The following PRSS21 variants were observed in gnomAD, a reference collection of about 807,000 sequenced individuals.
PRSS21 encodes the protein serine protease 21, also known as testisin.
In PRSS21, 40 loss-of-function variants were observed where a neutral mutation model predicts 31.1. The observed-to-expected ratio is 1.29, with a 90% confidence interval of 1.00 to 1.68. PRSS21 has a LOEUF of 1.68. PRSS21 is among the 40% of genes most tolerant of loss of function. The probability of loss-of-function intolerance (pLI) is 0.00; values close to 1 mark genes in which losing one functional copy is unlikely to be tolerated. For missense variants in PRSS21, 467 were observed against 412.6 expected, an observed-to-expected ratio of 1.13 and a Z score of -1.14; for synonymous variants, 186 against 167.7, an observed-to-expected ratio of 1.11 and a Z score of -0.84.
rs766031979 is a variant in PRSS21 at position 2,818,703 on chromosome 16, G to T, written c.284G>T (p.Gly95Val). 3.1e-6 allele frequency: 5 copies of T among 1,614,174 alleles called. No homozygotes were observed. Among genetic ancestry groups the T allele is most frequent in the Non-Finnish European group, 4.2e-6 (5 of 1,180,024 alleles). The change falls in exon 4 of 6, where the codon GGG becomes GTG. Residue 95 changes from glycine (G) to valine (V), a missense_variant. Transcript: ENST00000005995. ...TATAGTGACCTTAGTGATCCCTCCG[G>T]GTGGATGGTCCAGTTTGGCCAGCTG... is the stretch of plus-strand genomic sequence containing the variant. The part of the protein sequence containing the change: ...ETYSDLSDPS[G>V]WMVQFGQLTS...
rs1265379815 is a variant in PRSS21 at position 2,817,406 on chromosome 16, G to A, written c.65-24G>A. On this transcript the variant is annotated intron_variant, in intron 1 of 5. Transcript: ENST00000005995. This position sits in a 1 kb window ranked among gnomAD's most constrained non-coding sequence, Gnocchi z 4.2. Reference sequence around the variant, plus strand: ...GGAGGACGGGAGGTGGAGGCCGCGGGGAGTCACTTCTTGTCTCCCGCAGAG... The same window carrying A: ...GGAGGACGGGAGGTGGAGGCCGCGGAGAGTCACTTCTTGTCTCCCGCAGAG... 1 of 1,596,850 alleles carries A rather than the reference G, an allele frequency of 6.3e-7. No individual in the cohort carries two copies. Among genetic ancestry groups the A allele is most frequent in the South Asian group, 1.1e-5 (1 of 90,234 alleles).
Position 2,818,763 on chromosome 16 carries a change from A to G in PRSS21, c.344A>G (p.Tyr115Cys). 6.2e-7 allele frequency: 1 copy of G among 1,613,600 alleles called. No homozygotes were observed. Among genetic ancestry groups the G allele is most frequent in the South Asian group, 1.1e-5 (1 of 91,064 alleles). Residue 115 changes from tyrosine to cysteine, a missense_variant, in exon 4 of 6, where the codon TAC becomes TGC. Transcript: ENST00000005995. ...CCATCCTTCTGGAGCCTGCAGGCCT[A>G]CTACACCCGTTACTTCGTATCGAAT... is the stretch of plus-strand genomic sequence containing the variant. Reference protein sequence around the residue: ...SMPSFWSLQAYYTRYFVSNIY... With the variant: ...SMPSFWSLQACYTRYFVSNIY...
At chr16:2,819,098 C>A in intron 4 of PRSS21, 129 bp downstream of exon 4, 1 of 1,057,066 alleles carries the variant, frequency 9.5e-7, no homozygotes, top group Non-Finnish European at 1.4e-6. Flanking sequence ...TCTCTCCTCA[C>A]CTGCCAGGGC....
Position 2,817,701 on chromosome 16 carries a change from C to A in PRSS21, c.92-100C>A. 1 of 1,454,148 alleles carries A rather than the reference C, an allele frequency of 6.9e-7. No individual in the cohort carries two copies. The highest frequency in any genetic ancestry group is 1.3e-5 in the South Asian group (1 of 75,468). The allele number at this position is 1,454,148 out of a possible 1,614,324, so 90.1% of individuals were successfully genotyped here. A position where few individuals can be genotyped will look rare whatever the true frequency, so the allele number is the denominator to read the frequency against. On this transcript the variant is annotated intron_variant, in intron 2 of 5. Coordinates refer to ENST00000005995, the MANE Select transcript of PRSS21 (RefSeq NM_006799.4). This position sits in a 1 kb window ranked among gnomAD's most constrained non-coding sequence, Gnocchi z 4.2. Reference sequence around the variant, plus strand: ...CACACGCGAGGGGACCCTGGGTGGGCAAAAACGTGCTTTCCCGGACGGGGT... The same window carrying A: ...CACACGCGAGGGGACCCTGGGTGGGAAAAAACGTGCTTTCCCGGACGGGGT...
chr16:2,817,782 G>A lies in PRSS21; in HGVS notation c.92-19G>A, dbSNP rs1163650526. On this transcript the variant is annotated intron_variant, in intron 2 of 5. Transcript: ENST00000005995. The surrounding 1 kb of genome is among the most constrained non-coding windows in gnomAD (Gnocchi z 4.2). ...GGGGGCTGCCTCCCGCGGCTCAGCA[G>A]TTCCTCTGACCATCCGAGGACCATG... 2 of 1,545,036 alleles carry A rather than the reference G, an allele frequency of 1.3e-6. No individual in the cohort carries two copies. Among genetic ancestry groups the A allele is most frequent in the African/African-American group, 2.7e-5 (2 of 72,954 alleles).
At chr16:2,821,142 A>G in intron 5 of PRSS21, 33 bp downstream of exon 5, 1 of 1,612,118 alleles carries the variant, frequency 6.2e-7, no homozygotes, top group Non-Finnish European at 8.5e-7. Context: ...CCAGCCCAGG[A>G]AAGCATCCTG....
Position 2,821,579 on chromosome 16 carries a change from G to T in PRSS21, c.919G>T (p.Ala307Ser). 6.2e-7 allele frequency: 1 copy of T among 1,613,682 alleles called. No homozygotes were observed. The highest frequency in any genetic ancestry group is 1.1e-5 in the South Asian group (1 of 91,086). ...GCTACTCTTTTTCCCTCTTCTCTGG[G>T]CTCTCCCACTCCTGGGGCCGGTCTG... ...WPLLFFPLLWALPLLGPV is the reference protein window; with the variant it reads ...WPLLFFPLLWSLPLLGPV Residue 307 changes from alanine (A) to serine (S), a missense_variant, in exon 6 of 6, where the codon GCT (alanine) becomes TCT (serine). Transcript: ENST00000005995.
In PRSS21 at chr16:2,821,551, G is replaced by A. The variant is rs769176365; in HGVS notation, c.891G>A (p.Trp297Ter). 9 of 1,614,168 alleles carry A rather than the reference G, an allele frequency of 5.6e-6. No individual in the cohort carries two copies. The highest frequency in any genetic ancestry group is 3.3e-5 in the Admixed American group (2 of 60,028). The part of the protein sequence containing the change: ...QSGMSQPDPS[W>*]PLLFFPLLWA... ...GCATGTCCCAGCCAGACCCCTCCTG[G>A]CCGCTACTCTTTTTCCCTCTTCTCT... is the stretch of plus-strand genomic sequence containing the variant. Residue 297 changes from tryptophan to a stop codon, truncating the protein, a stop_gained, in exon 6 of 6, where the codon TGG (tryptophan) becomes TGA (stop). Coordinates refer to ENST00000005995, the MANE Select transcript of PRSS21 (RefSeq NM_006799.4). LOFTEE classifies it low-confidence loss of function (END_TRUNC).
At position 2,817,777 on chromosome 16, in the gene PRSS21, C is replaced by G; in HGVS notation, c.92-24C>G. ...GCTTGGGGGGCTGCCTCCCGCGGCTCAGCAGTTCCTCTGACCATCCGAGGA... is the reference window on the plus strand; with the variant it reads ...GCTTGGGGGGCTGCCTCCCGCGGCTGAGCAGTTCCTCTGACCATCCGAGGA... On this transcript the variant is annotated intron_variant, in intron 2 of 5. Transcript: ENST00000005995. This position sits in a 1 kb window ranked among gnomAD's most constrained non-coding sequence, Gnocchi z 4.2. The G allele has an allele frequency of 6.5e-7, 1 of 1,543,944 alleles. No homozygotes were observed. Among genetic ancestry groups the G allele is most frequent in the Non-Finnish European group, 8.7e-7 (1 of 1,143,262 alleles).
Position 2,818,873 on chromosome 16 carries a change from C to T in PRSS21, c.454C>T (p.His152Tyr). 1 of 1,614,192 alleles carries T rather than the reference C, an allele frequency of 6.2e-7. No individual in the cohort carries two copies. Among genetic ancestry groups the T allele is most frequent in the Non-Finnish European group, 8.5e-7 (1 of 1,179,986 alleles). The change falls in exon 4 of 6, where the codon CAC (histidine) becomes TAC (tyrosine). Residue 152 changes from histidine (H) to tyrosine (Y), a missense_variant. Physicochemically the swap from His to Tyr is moderately conservative, Grantham distance 83 (BLOSUM62 2). Transcript: ENST00000005995. ...KLSAPVTYTK[H>Y]IQPICLQAST... Reference sequence around the variant, plus strand: ...GTCTGCACCTGTCACCTACACTAAACACATCCAGCCCATCTGTCTCCAGGC... The same window carrying T: ...GTCTGCACCTGTCACCTACACTAAATACATCCAGCCCATCTGTCTCCAGGC...
At position 2,821,533 on chromosome 16, in the gene PRSS21, C is replaced by T. The variant is rs200826414; in HGVS notation, c.873C>T (p.Ser291=). 9.9e-6 allele frequency: 16 copies of T among 1,614,240 alleles called. No individual in the cohort carries two copies. Among genetic ancestry groups the T allele is most frequent in the Non-Finnish European group, 1.3e-5 (15 of 1,180,050 alleles). Residue 291 remains serine (S), a synonymous_variant, in exon 6 of 6, where the codon TCC becomes TCT. Transcript: ENST00000005995. ...IQKLMAQSGM[S]QPDPSWPLLF... is the part of the protein sequence containing the mutation. ...AGCTGATGGCCCAGAGTGGCATGTC[C>T]CAGCCAGACCCCTCCTGGCCGCTAC...
intron 4 of PRSS21, among the ~76,000 whole-genome samples, chr16:2,819,866 C>T (rs2069141579): frequency 6.6e-6 from 1 of 152,218 alleles, no homozygotes; most frequent in Admixed American, 6.5e-5. Flanking sequence ...TAAGGGATGT[C>T]CCCAAGTCAC....
At chr16:2,819,000 A>T in intron 4 of PRSS21, 31 bp downstream of exon 4, 1 of 1,607,812 alleles carries the variant, frequency 6.2e-7, no homozygotes, top group Non-Finnish European at 8.5e-7. Flanking sequence ...GTCAGGGAGG[A>T]ACTGTCTTTG....
At chr16:2,820,213 TA>T (rs955312941) in intron 4 of PRSS21, among the ~76,000 whole-genome samples, 10 of 152,286 alleles carry the variant, frequency 6.6e-5, no homozygotes, top group African/African-American at 2.4e-4. Context: ...CCCTGTGAAA[TA>T]GGGGAATGAT....
Position 2,821,110 on chromosome 16 carries a change from G to T in PRSS21, c.705+1G>T. The T allele has an allele frequency of 6.2e-7, 1 of 1,613,812 alleles. No individual in the cohort carries two copies. The highest frequency in any genetic ancestry group is 8.5e-7 in the Non-Finnish European group (1 of 1,179,938). ...CCAAGGCGGGAAGGATGCCTGCTTCGTGAGTGTCCTTGCCACCACTCCCAG... is the reference window on the plus strand; with the variant it reads ...CCAAGGCGGGAAGGATGCCTGCTTCTTGAGTGTCCTTGCCACCACTCCCAG... On this transcript the variant is annotated splice_donor_variant, in intron 5 of 5. Transcript: ENST00000005995. LOFTEE classifies it high-confidence loss of function.
At chr16:2,820,644 C>G (rs1567275430) in intron 4 of PRSS21, among the ~76,000 whole-genome samples, 1 of 152,210 alleles carries the variant, frequency 6.6e-6, no homozygotes, top group Non-Finnish European at 1.5e-5. Context: ...GTCTCAGCTG[C>G]CTTCGCCCCT....
chr16:2,818,611 C>T (rs1377511913), intron 3 of PRSS21, 66 bp from the exon 4 acceptor site: 5 of 1,504,462 alleles, frequency 3.3e-6, no homozygotes, highest in Non-Finnish European at 4.6e-6. Flanking sequence ...TGCACTGGAC[C>T]CCAGTTGTGC....
chr16:2,820,021 C>T (rs921066387), intron 4 of PRSS21, among the ~76,000 whole-genome samples: 1 of 152,134 alleles, frequency 6.6e-6, no homozygotes, highest in Admixed American at 6.5e-5. Flanking sequence ...CTGCCACCCT[C>T]TCTCCCCAGC....
Position 2,817,525 on chromosome 16 carries a change from G to A in PRSS21, c.91+69G>A. ...CGAGGTGGACGGGGGGCGGTGAGGG[G>A]GTAGAGGGGGGCCTTTACTGCTCTC... On this transcript the variant is annotated intron_variant, in intron 2 of 5. Coordinates refer to ENST00000005995, the MANE Select transcript of PRSS21 (RefSeq NM_006799.4). The surrounding 1 kb of genome is among the most constrained non-coding windows in gnomAD (Gnocchi z 4.2). 2 of 1,178,726 alleles carry A rather than the reference G, an allele frequency of 1.7e-6. No homozygotes were observed. Among genetic ancestry groups the A allele is most frequent in the Non-Finnish European group, 2.3e-6 (2 of 869,882 alleles). The allele number at this position is 1,178,726 out of a possible 1,614,324, so 73.0% of individuals were successfully genotyped here.
Sources: allele counts gnomAD v4.1 joint callset (sites outside exome capture counted in the v4.1 genomes callset), GRCh38; gene constraint gnomAD v4.1.1; non-coding constraint Gnocchi (gnomAD v3.1); transcripts MANE v1.5; gene names NCBI Gene and HGNC (gene_info 2026-07-23, HGNC 2026-07-21).